Variants in NFIB observed in about 807,000 individuals in gnomAD.
NFIB encodes nuclear factor 1 B-type.
A neutral mutation model predicts 61.5 loss-of-function variants in NFIB; 11 were observed. That is an observed-to-expected ratio of 0.18 (90% CI 0.11 to 0.30). NFIB has a LOEUF of 0.30. NFIB is among the 10% of genes least tolerant of loss of function. The probability of loss-of-function intolerance (pLI) is 1.00; values close to 1 mark genes in which losing one functional copy is unlikely to be tolerated. For missense variants in NFIB, 471 were observed against 608.9 expected (o/e 0.77, Z 2.38); for synonymous variants, 260 against 216.5 (o/e 1.20, Z -1.76).
the NFIB span, among the ~76,000 whole-genome samples, chr9:14,518,845 C>T: frequency 6.6e-6 from 1 of 152,128 alleles, no homozygotes; most frequent in Admixed American, 6.5e-5. Context: ...TTCCAATTCC[C>T]AACTTCCCTC....
chr9:14,152,498 G>A (rs2042972449), intron 4 of NFIB, among the ~76,000 whole-genome samples: 1 of 152,036 alleles, frequency 6.6e-6, no homozygotes, highest in Non-Finnish European at 1.5e-5. Context: ...AATCTGTCTG[G>A]CTTCCTATCA....
intron 3 of NFIB, among the ~76,000 whole-genome samples, chr9:14,176,922 G>A (rs1195311989): frequency 6.6e-6 from 1 of 152,118 alleles, no homozygotes; most frequent in Non-Finnish European, 1.5e-5. Flanking sequence ...CTCCAAAAGG[G>A]CTTGAATTTT....
At chr9:14,209,540 T>A in intron 2 of NFIB, among the ~76,000 whole-genome samples, 1 of 152,236 alleles carries the variant, frequency 6.6e-6, no homozygotes, top group East Asian at 1.9e-4. Context: ...TCTTTGCAAG[T>A]TGTAAAAAGA....
At chr9:14,516,501 T>C in the NFIB span, among the ~76,000 whole-genome samples, 295 of 152,268 alleles carry the variant, frequency 1.9e-3, 2 homozygotes, top group African/African-American at 6.8e-3. Flanking sequence ...TTCTGAAAAA[T>C]TAATCACCCT....
chr9:14,184,555 G>A (rs1470078645), intron 2 of NFIB, among the ~76,000 whole-genome samples: 1 of 152,046 alleles, frequency 6.6e-6, no homozygotes, highest in Admixed American at 6.6e-5. Flanking sequence ...CAATCTGGTG[G>A]AAGCTCTGTA....
chr9:14,426,321 T>A, the NFIB span, among the ~76,000 whole-genome samples: 1 of 152,294 alleles, frequency 6.6e-6, no homozygotes, highest in South Asian at 2.1e-4. Context: ...TGGCATGGCT[T>A]TGTAGTTTTT....
intron 2 of NFIB, among the ~76,000 whole-genome samples, chr9:14,181,409 G>C (rs2046760933): frequency 6.6e-6 from 1 of 152,162 alleles, no homozygotes; most frequent in Non-Finnish European, 1.5e-5. Context: ...CAGTCAGAGA[G>C]CTGAGAACTC....
In NFIB at chr9:14,237,836, T is replaced by C. The variant is rs1179665123; in HGVS notation, c.563-58056A>G. Among the ~76,000 whole-genome samples, 4 of 120,492 alleles carry C rather than the reference T, an allele frequency of 3.3e-5. 1 individual carries two copies. Among genetic ancestry groups the C allele is most frequent in the African/African-American group, 1.4e-4 (4 of 29,084 alleles). 79.0% of individuals were successfully genotyped at this position (120,492 alleles called of 152,430 possible). ...TGTGTAAGCTCCTCACCCTGCTAGGTATAACAGTGTGTGTGTGTGTGTGTG... is the reference window on the plus strand; with the variant it reads ...TGTGTAAGCTCCTCACCCTGCTAGGCATAACAGTGTGTGTGTGTGTGTGTG... On this transcript the variant is annotated intron_variant, in intron 2 of 10. Transcript: ENST00000380953.
At chr9:14,177,923 T>G (rs1265090682) in intron 3 of NFIB, among the ~76,000 whole-genome samples, 1 of 152,186 alleles carries the variant, frequency 6.6e-6, no homozygotes, top group African/African-American at 2.4e-5. Flanking sequence ...GTTACATAAC[T>G]ATTCAAGGAT....
chr9:14,307,260 A>G lies in NFIB; in HGVS notation c.291T>C (p.Thr97=). 1 of 1,614,022 alleles carries G rather than the reference A, an allele frequency of 6.2e-7. No homozygotes were observed. The highest frequency in any genetic ancestry group is 8.5e-7 in the Non-Finnish European group (1 of 1,180,002). The change falls in exon 2 of 11, where the codon ACT becomes ACC. Residue 97 remains threonine, a synonymous_variant. Transcript: ENST00000380953. The surrounding 1 kb of genome is among the most constrained non-coding windows in gnomAD (Gnocchi z 5.3). ...AGACACAGCACGGGTGCTTCTTGCC[A>G]GTCACGGTGAGCACAAAGTCCTCTC... ...EYREDFVLTV[T]GKKHPCCVLS... is the part of the protein sequence containing the mutation.
chr9:14,124,136 T>TC (rs1438647691), intron 7 of NFIB, among the ~76,000 whole-genome samples: 1 of 152,090 alleles, frequency 6.6e-6, no homozygotes, highest in East Asian at 1.9e-4. Flanking sequence ...AGAACAAATA[T>TC]CGGGTGAAGG....
At chr9:14,352,807 A>G (rs895752375) in intron 1 of NFIB, among the ~76,000 whole-genome samples, 42 of 152,318 alleles carry the variant, frequency 2.8e-4, no homozygotes, top group African/African-American at 9.9e-4. Context: ...AAAGGCCTGC[A>G]TAGGAAGGAC....
chr9:14,360,766 G>C (rs199914678), intron 1 of NFIB, among the ~76,000 whole-genome samples: 2 of 151,924 alleles, frequency 1.3e-5, no homozygotes, highest in African/African-American at 4.8e-5. Flanking sequence ...GAATGGTCTC[G>C]ATCTCCTGAC....
chr9:14,461,464 C>T, the NFIB span, among the ~76,000 whole-genome samples: 3 of 152,174 alleles, frequency 2.0e-5, no homozygotes, highest in Admixed American at 6.5e-5. Flanking sequence ...TACAAATCAG[C>T]CTCTATCAGC....
chr9:14,352,440 C>T (rs2061124624), intron 1 of NFIB, among the ~76,000 whole-genome samples: 1 of 152,064 alleles, frequency 6.6e-6, no homozygotes, highest in Non-Finnish European at 1.5e-5. Context: ...AGCGAGGCCA[C>T]AGGTAAAAAG....
At chr9:14,247,702 G>A (rs2055091215) in intron 2 of NFIB, among the ~76,000 whole-genome samples, 1 of 152,176 alleles carries the variant, frequency 6.6e-6, no homozygotes, top group Non-Finnish European at 1.5e-5. Flanking sequence ...GGGTCACTGT[G>A]AAGATCAGAA....
chr9:14,451,296 C>T, the NFIB span, among the ~76,000 whole-genome samples: 3 of 152,228 alleles, frequency 2.0e-5, no homozygotes, highest in East Asian at 5.8e-4. Context: ...TTCTTTATTA[C>T]ATCTTTGTAT....
intron 2 of NFIB, among the ~76,000 whole-genome samples, chr9:14,234,598 G>C (rs1334127852): frequency 1.3e-5 from 2 of 151,976 alleles, no homozygotes; most frequent in Admixed American, 1.3e-4. Flanking sequence ...TCAAACTCTT[G>C]ACCTCTGCCC....
chr9:14,482,043 G>A, the NFIB span, among the ~76,000 whole-genome samples: 1 of 152,156 alleles, frequency 6.6e-6, no homozygotes, highest in Admixed American at 6.5e-5. Context: ...GGGTTGGAAT[G>A]TTGGAATACT....
Sources: gnomAD v4.1 joint callset for allele counts (sites outside exome capture counted in the v4.1 genomes callset) on GRCh38, gnomAD v4.1.1 for gene constraint, Gnocchi (gnomAD v3.1) non-coding constraint, MANE v1.5 for transcripts, NCBI Gene and HGNC (gene_info 2026-07-23, HGNC 2026-07-21) for gene names.